The following ASIC2 variants were observed in gnomAD, a reference collection of about 807,000 sequenced individuals.
ASIC2 encodes the protein acid-sensing ion channel 2.
Under a neutral mutation model 57.3 loss-of-function variants are expected in ASIC2, and 25 were observed. That is an observed-to-expected ratio of 0.44 (90% CI 0.32 to 0.61). ASIC2 has a LOEUF of 0.61. Ranked by LOEUF, ASIC2 falls within the 20% of genes least tolerant of loss-of-function variation. The probability of loss-of-function intolerance (pLI) is 0.06; values close to 1 mark genes in which losing one functional copy is unlikely to be tolerated. For missense variants in ASIC2, 641 were observed against 738.1 expected (o/e 0.87, Z 1.52); for synonymous variants, 319 against 307.5 (o/e 1.04, Z -0.39).
chr17:33,310,461 C>T (rs1336218826), intron 1 of ASIC2, among the ~76,000 whole-genome samples: 7 of 152,264 alleles, frequency 4.6e-5, no homozygotes, highest in South Asian at 4.1e-4. Context: ...TCAGAGAGAC[C>T]TTGAGTGCCA....
At chr17:33,119,279 A>C (rs908446011) in intron 1 of ASIC2, among the ~76,000 whole-genome samples, 3 of 152,168 alleles carry the variant, frequency 2.0e-5, no homozygotes, top group African/African-American at 7.2e-5. Context: ...ATGCCTCTAA[A>C]ACTTAGCTGT....
At chr17:33,025,885 C>A in intron 5 of ASIC2, 41 bp downstream of exon 5, 1 of 1,538,690 alleles carries the variant, frequency 6.5e-7, no homozygotes, top group Non-Finnish European at 8.8e-7. Context: ...CAGTCTCAGG[C>A]CCCCGGCCCC....
chr17:33,039,974 T>C (rs566163733), intron 3 of ASIC2, among the ~76,000 whole-genome samples: 2 of 152,294 alleles, frequency 1.3e-5, no homozygotes, highest in African/African-American at 4.8e-5. Flanking sequence ...TCCCACAGAG[T>C]CTCACTATAT....
At chr17:33,687,135 T>C (rs1908220904) in intron 1 of ASIC2, among the ~76,000 whole-genome samples, 1 of 152,148 alleles carries the variant, frequency 6.6e-6, no homozygotes, top group Non-Finnish European at 1.5e-5. Flanking sequence ...CTTCATAGGA[T>C]TGTGAAAACC....
chr17:33,256,156 G>A lies in ASIC2; in HGVS notation c.708+35252C>T, dbSNP rs545684985. Reference sequence around the variant, plus strand: ...TACAAAAAATCATATAGACAAGATCGTTCTTTGAAAACTGAATACCACCAA... The same window carrying A: ...TACAAAAAATCATATAGACAAGATCATTCTTTGAAAACTGAATACCACCAA... On this transcript the variant is annotated intron_variant, in intron 1 of 9. Transcript: ENST00000225823. Among the ~76,000 whole-genome samples the A allele has an allele frequency of 5.9e-5, 9 of 152,246 alleles. No individual in the cohort carries two copies. The East Asian group carries it at 9.6e-4, about 16-fold the overall frequency.
In ASIC2 at chr17:33,671,632, C is replaced by T. The variant is rs975586854; in HGVS notation, c.555+484346G>A. Among the ~76,000 whole-genome samples, 7 of 152,272 alleles carry T rather than the reference C, an allele frequency of 4.6e-5. No homozygotes were observed. In the East Asian group the frequency reaches 1.4e-3, roughly 29 times the overall value. ...ACAAAGATCCAGGTTTCTCAGCCTG[C>T]GTGGACATCCACTTGGGAGGGTCCA... On this transcript the variant is annotated intron_variant, in intron 1 of 9. Transcript: ENST00000359872.
At chr17:33,853,406 G>A (rs1397318021) in intron 1 of ASIC2, among the ~76,000 whole-genome samples, 2 of 152,162 alleles carry the variant, frequency 1.3e-5, no homozygotes, top group African/African-American at 4.8e-5. Context: ...CACATGCATT[G>A]ATTCATTTCG....
chr17:34,066,022 AT>A (rs1355927163), intron 1 of ASIC2, among the ~76,000 whole-genome samples: 2 of 152,074 alleles, frequency 1.3e-5, no homozygotes, highest in African/African-American at 4.8e-5. Flanking sequence ...GTTAAGTACT[AT>A]TTTTCCCATG....
rs1906635660 is a variant in ASIC2, at chr17:33,643,155, C to CG, written c.555+512822_555+512823insC. On this transcript the variant is annotated intron_variant, in intron 1 of 9. Transcript: ENST00000359872. ...ATTCTCACATGCTCATTTCCCCCCCCCCACATTTGAACATCTCTGAAATTT... is the reference window on the plus strand; with the variant it reads ...ATTCTCACATGCTCATTTCCCCCCCCGCCACATTTGAACATCTCTGAAATTT... Among the ~76,000 whole-genome samples, 8 of 150,966 alleles carry CG rather than the reference C, an allele frequency of 5.3e-5. No individual in the cohort carries two copies. The South Asian group carries it at 1.5e-3, about 29-fold the overall frequency.
At chr17:33,597,313 G>A (rs1042039334) in intron 1 of ASIC2, among the ~76,000 whole-genome samples, 4 of 152,210 alleles carry the variant, frequency 2.6e-5, no homozygotes, top group African/African-American at 4.8e-5. Flanking sequence ...CACAGGTGGC[G>A]GAGAGTTTTT....
chr17:33,986,741 C>A (rs1308195431), intron 1 of ASIC2, among the ~76,000 whole-genome samples: 1 of 152,008 alleles, frequency 6.6e-6, no homozygotes. Flanking sequence ...CAGAGTAATC[C>A]TTTGAGGTGA....
intron 1 of ASIC2, among the ~76,000 whole-genome samples, chr17:33,719,620 C>T (rs748885302): frequency 1.5e-4 from 23 of 152,178 alleles, no homozygotes; most frequent in African/African-American, 1.4e-4. Context: ...CCTTGTACAG[C>T]GCAAACATCA....
At chr17:33,582,592 T>A (rs1904480582) in intron 1 of ASIC2, among the ~76,000 whole-genome samples, 1 of 152,220 alleles carries the variant, frequency 6.6e-6, no homozygotes, top group South Asian at 2.1e-4. Context: ...CATAGGGTTG[T>A]CACAAGGATT....
chr17:33,479,439 G>T (rs974517057), intron 1 of ASIC2, among the ~76,000 whole-genome samples: 1 of 152,316 alleles, frequency 6.6e-6, no homozygotes, highest in South Asian at 2.1e-4. Flanking sequence ...TGTGGCCCCA[G>T]TCTCTGGAGA....
chr17:33,714,481 GA>G (rs1017498385), intron 1 of ASIC2, among the ~76,000 whole-genome samples: 120 of 152,160 alleles, frequency 7.9e-4, no homozygotes, highest in African/African-American at 2.8e-3. Context: ...CATGCTGAGT[GA>G]AAAAAAGCAA....
intron 1 of ASIC2, among the ~76,000 whole-genome samples, chr17:33,473,308 G>T (rs1167330401): frequency 2.0e-5 from 3 of 152,224 alleles, no homozygotes; most frequent in Non-Finnish European, 4.4e-5. Flanking sequence ...GGTTTGAAAA[G>T]CACTGGGTGG....
At chr17:33,829,063 C>T (rs558325048) in intron 1 of ASIC2, among the ~76,000 whole-genome samples, 13 of 152,232 alleles carry the variant, frequency 8.5e-5, no homozygotes, top group Non-Finnish European at 1.6e-4. Flanking sequence ...TGAACTACAA[C>T]AACCACTAGT....
At chr17:33,555,523 A>C (rs1255914010) in intron 1 of ASIC2, among the ~76,000 whole-genome samples, 1 of 152,172 alleles carries the variant, frequency 6.6e-6, no homozygotes, top group Non-Finnish European at 1.5e-5. Context: ...GTGGAAAAAT[A>C]AGAGGTGATG....
In ASIC2 at chr17:33,991,553, G is replaced by A. The variant is rs191270342; in HGVS notation, c.555+164425C>T. ...TCTGCTGCATCCTTGATCATATCAC[G>A]TAGGCAGGAGGCTTAGAGCTAACCA... is the stretch of plus-strand genomic sequence containing the variant. On this transcript the variant is annotated intron_variant, in intron 1 of 9. Coordinates refer to the ASIC2 transcript ENST00000359872. Among the ~76,000 whole-genome samples the A allele has an allele frequency of 3.9e-3, 594 of 152,276 alleles. 1 individual carries two copies. The highest frequency in any genetic ancestry group is 6.1e-3 in the Non-Finnish European group (412 of 68,020).
Sources: gnomAD v4.1 joint callset for allele counts (sites outside exome capture counted in the v4.1 genomes callset) on GRCh38, gnomAD v4.1.1 for gene constraint, MANE v1.5 for transcripts, NCBI Gene and HGNC (gene_info 2026-07-23, HGNC 2026-07-21) for gene names.